LAS1L: variants seen among roughly 807,000 people sequenced by gnomAD.
LAS1L encodes ribosomal biogenesis protein LAS1L.
In LAS1L, 5 loss-of-function variants were observed where a neutral mutation model predicts 57.3. The ratio of observed to expected loss-of-function variants is 0.09; its 90% CI spans 0.05 to 0.18. The LOEUF is 0.18. LAS1L is among the 10% of genes least tolerant of loss of function. The pLI is 1.00. For synonymous variants in LAS1L, 245 were observed against 231.7 expected (o/e 1.06, Z -0.52); for missense variants, 360 against 568.3 (o/e 0.63, Z 3.73).
At chrX:65,531,238 C>T (rs1294758644) in intron 4 of LAS1L, 119 bp downstream of exon 4, 1 of 409,826 alleles carries the variant, frequency 2.4e-6, no homozygotes, top group African/African-American at 2.5e-5. Flanking sequence ...TCACTTCTTT[C>T]ACCCTAGTCC....
At chrX:65,533,844 G>A (rs1306490760) in intron 1 of LAS1L, 109 bp from the exon 2 acceptor site, 1 of 838,391 alleles carries the variant, frequency 1.2e-6, no homozygotes, top group Non-Finnish European at 1.7e-6. Flanking sequence ...TGGTTCAAGA[G>A]AGCATGAACA....
chrX:65,517,920 G>C (rs1298238124), intron 12 of LAS1L, 67 bp downstream of exon 12: 8 of 1,130,296 alleles, frequency 7.1e-6, no homozygotes, highest in Non-Finnish European at 9.3e-6. Context: ...TCTTCCTAGG[G>C]TAGAAGGAAG....
At chrX:65,512,976 G>C (rs1569431211) in intron 13 of LAS1L, 75 bp from the exon 14 acceptor site, 2 of 975,860 alleles carry the variant, frequency 2.0e-6, no homozygotes, top group East Asian at 3.5e-5. Context: ...TGCTTGACAT[G>C]TGTGTATCTG....
At position 65,518,102 on chromosome X, in the gene LAS1L, G is replaced by A; in HGVS notation, c.1812C>T (p.Asp604=). Residue 604 remains aspartate (D), a synonymous_variant, in exon 12 of 14, where the codon GAC becomes GAT. Coordinates refer to ENST00000374811, the MANE Select transcript of LAS1L (RefSeq NM_031206.7). ...DEDDEDDEEE[D]RMEVGPFSTG... ...TAGAGAAAGGCCCCACCTCCATTCT[G>A]TCTTCCTCTTCATCATCTTCATCAT... The A allele has an allele frequency of 1.7e-6, 2 of 1,207,380 alleles. No individual in the cohort carries two copies. Among genetic ancestry groups the A allele is most frequent in the Non-Finnish European group, 2.2e-6 (2 of 891,510 alleles).
chrX:65,515,497 G>C (rs1569432537), intron 12 of LAS1L, among the ~76,000 whole-genome samples: 1 of 110,312 alleles, frequency 9.1e-6, no homozygotes, highest in Non-Finnish European at 1.9e-5. Flanking sequence ...CTGCCTGTTT[G>C]AATACCACAT....
chrX:65,526,510 G>A (rs1414546214), intron 7 of LAS1L, among the ~76,000 whole-genome samples: 1 of 111,454 alleles, frequency 9.0e-6, no homozygotes, highest in East Asian at 2.8e-4. Flanking sequence ...CTTTTGGAAC[G>A]AGTATCCTGG....
chrX:65,512,958 G>A (rs986801984), intron 13 of LAS1L, 57 bp from the exon 14 acceptor site: 7 of 1,080,723 alleles, frequency 6.5e-6, no homozygotes, highest in Non-Finnish European at 7.4e-6. Context: ...CTCTGGAGGG[G>A]CCAAGAGTGC....
intron 4 of LAS1L, among the ~76,000 whole-genome samples, chrX:65,530,403 G>C (rs780796101): frequency 6.3e-4 from 70 of 111,517 alleles, no homozygotes; most frequent in African/African-American, 2.1e-3. Flanking sequence ...GAGTGGCCGG[G>C]CACTGTGGTT....
At chrX:65,529,295 C>T in intron 5 of LAS1L, 37 bp from the exon 6 acceptor site, 2 of 1,103,839 alleles carry the variant, frequency 1.8e-6, no homozygotes, top group Non-Finnish European at 2.5e-6. Context: ...GGACTGCCAG[C>T]CCAGACCCCT....
intron 2 of LAS1L, 71 bp downstream of exon 2, chrX:65,533,539 T>A: frequency 9.0e-7 from 1 of 1,112,188 alleles, no homozygotes; most frequent in Non-Finnish European, 1.2e-6. Context: ...AGCCAAGTTT[T>A]GCTTATCACA....
intron 11 of LAS1L, 61 bp from the exon 12 acceptor site, chrX:65,518,526 A>G: frequency 8.9e-7 from 1 of 1,128,958 alleles, no homozygotes; most frequent in East Asian, 3.1e-5. Context: ...TCATACCCCA[A>G]CACTCCAGGG....
At chrX:65,520,260 C>T (rs1323914843) in intron 11 of LAS1L, among the ~76,000 whole-genome samples, 1 of 111,632 alleles carries the variant, frequency 9.0e-6, no homozygotes, top group Non-Finnish European at 1.9e-5. Flanking sequence ...GATCCCTGTC[C>T]CACCATCAAC....
At chrX:65,518,583 G>T (rs928572995) in intron 11 of LAS1L, 118 bp from the exon 12 acceptor site, 1 of 1,011,757 alleles carries the variant, frequency 9.9e-7, no homozygotes, top group Admixed American at 3.8e-5. Flanking sequence ...GAAAGGCAGT[G>T]TAGTAGAGCA....
At chrX:65,529,486 T>C (rs2069353821) in intron 5 of LAS1L, 108 bp downstream of exon 5, 1 of 911,553 alleles carries the variant, frequency 1.1e-6, no homozygotes, top group African/African-American at 2.0e-5. Flanking sequence ...TAAGCTAAGA[T>C]TCACCACAGC....
intron 13 of LAS1L, 73 bp from the exon 14 acceptor site, chrX:65,512,974 A>G: frequency 9.8e-7 from 1 of 1,020,064 alleles, no homozygotes; most frequent in Non-Finnish European, 1.3e-6. Context: ...AGTGCTTGAC[A>G]TGTGTGTATC....
intron 12 of LAS1L, among the ~76,000 whole-genome samples, chrX:65,517,152 G>A (rs1022711632): frequency 9.0e-6 from 1 of 111,569 alleles, no homozygotes; most frequent in African/African-American, 3.3e-5. Context: ...TAATTTGTGT[G>A]CTCACCTAAA....
intron 7 of LAS1L, among the ~76,000 whole-genome samples, chrX:65,526,318 G>C (rs1358164123): frequency 9.0e-6 from 1 of 111,412 alleles, no homozygotes; most frequent in Non-Finnish European, 1.9e-5. Context: ...GTGGAAAAAA[G>C]AGCTCCCAAG....
At position 65,530,423 on chromosome X, in the gene LAS1L, A is replaced by T. The variant is rs770420648; in HGVS notation, c.515-545T>A. Among the ~76,000 whole-genome samples the T allele has an allele frequency of 4.5e-5, 5 of 111,354 alleles. No individual in the cohort carries two copies. The East Asian group carries it at 1.1e-3, about 25-fold the overall frequency. On this transcript the variant is annotated intron_variant, in intron 4 of 13. Transcript: ENST00000374811. ...GCCGGGCACTGTGGTTCACGCCTAT[A>T]ATCCCAGCACTTTGGGAGGCCAAGG...
In LAS1L at chrX:65,531,106, C is replaced by A. The variant is rs550486489; in HGVS notation, c.514+251G>T. 2.9e-4 allele frequency among the ~76,000 whole-genome samples: 33 copies of A among 112,484 alleles called. No homozygotes were observed. In the South Asian group the frequency reaches 0.011, roughly 38 times the overall value. Reference sequence around the variant, plus strand: ...AAGGAGAAATCAGTAATACTAATCCCGTTTTACTTAAAGTTTTGATATTAT... The same window carrying A: ...AAGGAGAAATCAGTAATACTAATCCAGTTTTACTTAAAGTTTTGATATTAT... On this transcript the variant is annotated intron_variant, in intron 4 of 13. Coordinates refer to ENST00000374811, the MANE Select transcript of LAS1L (RefSeq NM_031206.7).
Sources: allele counts gnomAD v4.1 joint callset (sites outside exome capture counted in the v4.1 genomes callset), GRCh38; gene constraint gnomAD v4.1.1; transcripts MANE v1.5; gene names NCBI Gene and HGNC (gene_info 2026-07-23, HGNC 2026-07-21).